Variants in NKAIN3 observed in about 807,000 individuals in gnomAD.
The protein encoded by NKAIN3 is sodium/potassium transporting ATPase interacting 3, also known as sodium/potassium-transporting ATPase subunit beta-1-interacting protein 3.
In NKAIN3, 25 loss-of-function variants were observed where a neutral mutation model predicts 30.2. That is an observed-to-expected ratio of 0.83 (90% confidence interval 0.60 to 1.16). NKAIN3 has a LOEUF of 1.16. Ranked by LOEUF, NKAIN3 falls within the 50% of genes most tolerant of loss-of-function variation. The pLI, the probability that NKAIN3 is intolerant of heterozygous loss-of-function variation, is 0.00. For synonymous variants in NKAIN3, 91 were observed against 89.6 expected (o/e 1.02, Z -0.09); for missense variants, 225 against 254.1 (o/e 0.89, Z 0.78).
At chr8:62,766,575 G>T (rs1424248093) in intron 4 of NKAIN3, among the ~76,000 whole-genome samples, 1 of 152,178 alleles carries the variant, frequency 6.6e-6, no homozygotes, top group African/African-American at 2.4e-5. Flanking sequence ...GAAGACTTGA[G>T]TGCAGATCAT....
intron 5 of NKAIN3, among the ~76,000 whole-genome samples, chr8:62,948,178 C>G (rs768138814): frequency 4.0e-5 from 6 of 151,690 alleles, no homozygotes; most frequent in Non-Finnish European, 7.4e-5. Context: ...TTACCTATAT[C>G]TGTGACTTGG....
chr8:62,952,862 C>T (rs2130896079), intron 5 of NKAIN3, among the ~76,000 whole-genome samples: 1 of 152,210 alleles, frequency 6.6e-6, no homozygotes, highest in African/African-American at 2.4e-5. Context: ...TGAGAAAAGA[C>T]ATTTTAGAAT....
At chr8:62,534,623 G>A (rs1029844729) in intron 1 of NKAIN3, among the ~76,000 whole-genome samples, 3 of 152,038 alleles carry the variant, frequency 2.0e-5, no homozygotes, top group Non-Finnish European at 2.9e-5. Flanking sequence ...TCAATGGCTC[G>A]CTAAATCAGA....
At chr8:62,959,908 T>C (rs1200482019) in intron 6 of NKAIN3, among the ~76,000 whole-genome samples, 4 of 152,224 alleles carry the variant, frequency 2.6e-5, no homozygotes, top group Non-Finnish European at 5.9e-5. Context: ...AGAGATGGGC[T>C]TCCTTGTGTG....
At chr8:62,472,308 G>T (rs1306264563) in intron 1 of NKAIN3, among the ~76,000 whole-genome samples, 1 of 152,168 alleles carries the variant, frequency 6.6e-6, no homozygotes, top group Non-Finnish European at 1.5e-5. Flanking sequence ...AGCAAGGAAG[G>T]TGAAGCTGAG....
chr8:62,324,301 G>A (rs950921255), intron 1 of NKAIN3, among the ~76,000 whole-genome samples: 7 of 151,944 alleles, frequency 4.6e-5, no homozygotes, highest in African/African-American at 1.7e-4. Context: ...GAAAAAGAAA[G>A]AACATAAATC....
chr8:62,438,121 A>G (rs1805224382), intron 1 of NKAIN3, among the ~76,000 whole-genome samples: 1 of 152,152 alleles, frequency 6.6e-6, no homozygotes, highest in Non-Finnish European at 1.5e-5. Context: ...TGCAGCTTCC[A>G]AGAGAAGGGG....
At chr8:62,585,224 T>C (rs1488681541) in intron 2 of NKAIN3, among the ~76,000 whole-genome samples, 1 of 152,124 alleles carries the variant, frequency 6.6e-6, no homozygotes, top group Non-Finnish European at 1.5e-5. Context: ...TAAGATGTAG[T>C]GTTGCGAGCT....
In NKAIN3 at chr8:62,249,119, C is replaced by T. The variant is rs1811995543; in HGVS notation, c.46C>T (p.Leu16=). 2 of 1,537,656 alleles carry T rather than the reference C, an allele frequency of 1.3e-6. No homozygotes were observed. Residue 16 remains leucine (L), a synonymous_variant, in exon 1 of 7, where the codon CTG becomes TTG. Coordinates refer to ENST00000623646, the MANE Select transcript of NKAIN3 (RefSeq NM_001304533.3). ...GRCSLICLCA[L]QLVSALERQI... is the part of the protein sequence containing the mutation. The stretch of plus-strand genomic sequence containing the variant: ...CTGCTCGCTCATCTGCCTCTGCGCG[C>T]TGCAGTTGGTGAGTGCCCCGAGGGC...
Position 62,679,452 on chromosome 8 carries a change from A to C in NKAIN3, c.274-67480A>C, listed in dbSNP as rs376517728. The stretch of plus-strand genomic sequence containing the variant: ...CTCATCCTAATATTTGGGACTTGTG[A>C]ACATGTTGCCTTGAATGGTGTATTA... On this transcript the variant is annotated intron_variant, in intron 3 of 6. Transcript: ENST00000623646. Among the ~76,000 whole-genome samples, 421 of 152,314 alleles carry C rather than the reference A, an allele frequency of 2.8e-3. 3 individuals are homozygous for C. The highest frequency in any genetic ancestry group is 9.2e-3 in the African/African-American group (383 of 41,576).
chr8:62,744,226 T>G (rs970192394), intron 3 of NKAIN3, among the ~76,000 whole-genome samples: 1 of 152,174 alleles, frequency 6.6e-6, no homozygotes, highest in Non-Finnish European at 1.5e-5. Context: ...GGTGTCATTT[T>G]CAGAGCTCCC....
intron 4 of NKAIN3, among the ~76,000 whole-genome samples, chr8:62,889,766 T>C (rs550557051): frequency 6.6e-6 from 1 of 152,322 alleles, no homozygotes; most frequent in East Asian, 1.9e-4. Flanking sequence ...GCACCTAGGA[T>C]AGACCTTGAG....
intron 1 of NKAIN3, among the ~76,000 whole-genome samples, chr8:62,345,298 T>TATATACAC (rs1356364594): frequency 1.5e-5 from 2 of 131,804 alleles, no homozygotes; most frequent in African/African-American, 5.7e-5. Context: ...TATACACACA[T>TATATACAC]ATATATGTAT....
chr8:62,655,339 T>C (rs1423269641), intron 3 of NKAIN3, among the ~76,000 whole-genome samples: 2 of 152,152 alleles, frequency 1.3e-5, no homozygotes, highest in Non-Finnish European at 2.9e-5. Flanking sequence ...TTAAAATATT[T>C]TAGATGGGAA....
At chr8:62,437,983 C>A (rs1186139146) in intron 1 of NKAIN3, among the ~76,000 whole-genome samples, 2 of 152,218 alleles carry the variant, frequency 1.3e-5, no homozygotes, top group Non-Finnish European at 2.9e-5. Flanking sequence ...GTTATTCTTA[C>A]TTTCCCACAT....
chr8:62,280,320 A>G (rs149363032), intron 1 of NKAIN3, among the ~76,000 whole-genome samples: 106 of 152,268 alleles, frequency 7.0e-4, no homozygotes, highest in Middle Eastern at 3.4e-3. Context: ...TCATCTGCAA[A>G]CAGGGACAAT....
At chr8:62,692,201 T>G (rs966232576) in intron 3 of NKAIN3, among the ~76,000 whole-genome samples, 2 of 152,128 alleles carry the variant, frequency 1.3e-5, no homozygotes, top group Non-Finnish European at 2.9e-5. Flanking sequence ...CCAGCCCAGA[T>G]TCAGGAGCTG....
chr8:62,741,355 G>GAA, intron 3 of NKAIN3, among the ~76,000 whole-genome samples: 1 of 139,078 alleles, frequency 7.2e-6, no homozygotes, highest in African/African-American at 2.7e-5. Context: ...AGAAGAAAGA[G>GAA]AGAGAAAGAA....
chr8:62,727,466 A>G (rs1390628137), intron 3 of NKAIN3, among the ~76,000 whole-genome samples: 1 of 152,142 alleles, frequency 6.6e-6, no homozygotes, highest in Non-Finnish European at 1.5e-5. Context: ...AACAATAACA[A>G]ACTCCTAGAA....
Sources: gnomAD v4.1 joint callset for allele counts (sites outside exome capture counted in the v4.1 genomes callset) on GRCh38, gnomAD v4.1.1 for gene constraint, MANE v1.5 for transcripts, NCBI Gene and HGNC (gene_info 2026-07-23, HGNC 2026-07-21) for gene names.